Variants in ARHGEF3 observed in about 807,000 individuals in gnomAD.
The protein encoded by ARHGEF3 is 59.8 kDA protein.
A neutral mutation model predicts 63.2 loss-of-function variants in ARHGEF3; 28 were observed. That is an observed-to-expected ratio of 0.44 (90% CI 0.33 to 0.61). The LOEUF is 0.61. Ranked by LOEUF, ARHGEF3 falls within the 20% of genes least tolerant of loss-of-function variation. ARHGEF3 has a pLI of 0.03. For synonymous variants in ARHGEF3, 266 were observed against 254.2 expected (o/e 1.05, Z -0.44); for missense variants, 533 against 659.3 (o/e 0.81, Z 2.10).
intron 4 of ARHGEF3, among the ~76,000 whole-genome samples, chr3:56,810,523 T>G (rs2038026371): frequency 6.6e-6 from 1 of 151,630 alleles, no homozygotes; most frequent in South Asian, 2.1e-4. Flanking sequence ...AGAGACTGAG[T>G]CTCAAAAACA....
intron 2 of ARHGEF3, among the ~76,000 whole-genome samples, chr3:56,969,963 C>G (rs977580758): frequency 3.3e-5 from 5 of 151,996 alleles, no homozygotes. Context: ...TTATATGATT[C>G]CATTTATGTG....
chr3:57,021,524 G>A (rs1344730890), intron 2 of ARHGEF3, among the ~76,000 whole-genome samples: 5 of 152,086 alleles, frequency 3.3e-5, no homozygotes, highest in Admixed American at 6.6e-5. Context: ...TTGGGAGGCC[G>A]AGGCAGGCAG....
chr3:56,813,286 G>C (rs556195405), intron 4 of ARHGEF3, among the ~76,000 whole-genome samples: 43 of 152,290 alleles, frequency 2.8e-4, no homozygotes, highest in Admixed American at 1.1e-3. Flanking sequence ...GGAAGGCTGG[G>C]TTTTTATGAT....
intron 1 of ARHGEF3, among the ~76,000 whole-genome samples, chr3:57,055,802 T>C (rs1485366465): frequency 1.3e-5 from 2 of 152,198 alleles, no homozygotes; most frequent in Non-Finnish European, 2.9e-5. Flanking sequence ...AGAATTCCAA[T>C]GCACATCCCT....
chr3:56,816,946 G>A (rs2038295686), intron 4 of ARHGEF3, among the ~76,000 whole-genome samples: 1 of 152,190 alleles, frequency 6.6e-6, no homozygotes, highest in South Asian at 2.1e-4. Context: ...GCTGACTTGG[G>A]TCCAGTCCTG....
chr3:56,826,954 T>C (rs952388278), intron 4 of ARHGEF3, among the ~76,000 whole-genome samples: 1 of 152,166 alleles, frequency 6.6e-6, no homozygotes, highest in African/African-American at 2.4e-5. Flanking sequence ...TTTTTCACAT[T>C]GTATACCAGG....
In ARHGEF3 at chr3:56,942,985, T is replaced by C. The variant is rs59701469; in HGVS notation, c.129+15838A>G. On this transcript the variant is annotated intron_variant, in intron 3 of 12. Coordinates refer to the ARHGEF3 transcript ENST00000338458. ...TTGAAGCTAACAGAGGTTGGTTAGT[T>C]CATGAGGTTTAAGGAAAGAAGCTGT... Among the ~76,000 whole-genome samples, 866 of 152,286 alleles carry C rather than the reference T, an allele frequency of 5.7e-3. 8 individuals carry two copies. Among genetic ancestry groups the C allele is most frequent in the African/African-American group, 0.02 (812 of 41,548 alleles).
intron 2 of ARHGEF3, among the ~76,000 whole-genome samples, chr3:56,987,309 G>A (rs1298534847): frequency 6.6e-6 from 1 of 152,220 alleles, no homozygotes; most frequent in African/African-American, 2.4e-5. Context: ...TGCAGATGAG[G>A]AATCTGGGGC....
At position 56,822,849 on chromosome 3, in the gene ARHGEF3, GAA is replaced by G. The variant is rs35895519; in HGVS notation, c.193-49035_193-49034del. On this transcript the variant is annotated intron_variant, in intron 4 of 12. Coordinates refer to the ARHGEF3 transcript ENST00000338458. ...AGCCAGGGTGACAGAGTAAGACTCT[GAA>G]AAAAAAAAAAAAAAATCACGGTGTA... 4.9e-3 allele frequency among the ~76,000 whole-genome samples: 649 copies of G among 131,976 alleles called. 7 individuals carry two copies. The highest frequency in any genetic ancestry group is 0.017 in the African/African-American group (602 of 34,464). 86.6% of individuals were successfully genotyped at this position (131,976 alleles called of 152,430 possible). A position where few individuals can be genotyped will look rare whatever the true frequency, so the allele number is the denominator to read the frequency against.
rs748328015 is a variant in ARHGEF3, at chr3:56,745,409, T to C, written c.666A>G (p.Lys222=). Residue 222 remains lysine (K), a synonymous_variant, in exon 7 of 10, where the codon AAA becomes AAG. Coordinates refer to ENST00000296315, the MANE Select transcript of ARHGEF3 (RefSeq NM_019555.3). Reference sequence around the variant, plus strand: ...CTTGCTTTTTGTGGTCCAGCAGAGCTTTGGCGGCTACTTGATTGCTGCAGT... The same window carrying C: ...CTTGCTTTTTGTGGTCCAGCAGAGCCTTGGCGGCTACTTGATTGCTGCAGT... ...DSYCSNQVAA[K]ALLDHKKQDH... is the part of the protein sequence containing the mutation. 2 of 1,613,890 alleles carry C rather than the reference T, an allele frequency of 1.2e-6. No homozygotes were observed. The highest frequency in any genetic ancestry group is 3.3e-5 in the Admixed American group (2 of 59,980).
chr3:56,751,265 A>G (rs1256120806), intron 5 of ARHGEF3, 35 bp downstream of exon 5: 13 of 1,578,890 alleles, frequency 8.2e-6, no homozygotes, highest in Non-Finnish European at 1.0e-5. Context: ...AGTTAAGGCT[A>G]CAAGTCACGA....
intron 2 of ARHGEF3, among the ~76,000 whole-genome samples, chr3:56,999,977 A>G (rs1172366654): frequency 6.6e-6 from 1 of 152,094 alleles, no homozygotes; most frequent in East Asian, 1.9e-4. Flanking sequence ...CCCTGACTCT[A>G]TCATATACTA....
intron 2 of ARHGEF3, among the ~76,000 whole-genome samples, chr3:56,762,750 G>A (rs982805261): frequency 2.0e-5 from 3 of 152,150 alleles, no homozygotes; most frequent in African/African-American, 7.2e-5. Flanking sequence ...TGGAGGTTGG[G>A]GTGGGACTGT....
chr3:56,827,057 TA>T (rs1476605894), intron 4 of ARHGEF3, among the ~76,000 whole-genome samples: 9 of 152,314 alleles, frequency 5.9e-5, no homozygotes, highest in African/African-American at 1.9e-4. Context: ...AAGACCTTGC[TA>T]ACTATGACTC....
chr3:56,788,989 C>G (rs2036951237), intron 1 of ARHGEF3, among the ~76,000 whole-genome samples: 2 of 151,908 alleles, frequency 1.3e-5, no homozygotes, highest in Admixed American at 6.6e-5. Context: ...CCACCTATAG[C>G]TTCTACTCAA....
At chr3:56,973,262 G>A (rs1026759578) in intron 2 of ARHGEF3, among the ~76,000 whole-genome samples, 8 of 151,968 alleles carry the variant, frequency 5.3e-5, no homozygotes, top group South Asian at 4.1e-4. Flanking sequence ...CGTGATCCGC[G>A]CGCCTCGGCC....
chr3:56,921,815 G>C (rs746817143), intron 3 of ARHGEF3, among the ~76,000 whole-genome samples: 2 of 152,208 alleles, frequency 1.3e-5, no homozygotes, highest in South Asian at 2.1e-4. Context: ...AGACCTGGCT[G>C]CTCAAGGTCA....
chr3:56,924,081 C>T (rs762587479), intron 3 of ARHGEF3, among the ~76,000 whole-genome samples: 2 of 152,158 alleles, frequency 1.3e-5, no homozygotes, highest in Non-Finnish European at 2.9e-5. Flanking sequence ...GGACAATAAG[C>T]CCCACGTGGC....
At chr3:56,995,538 T>A (rs1225165389) in intron 2 of ARHGEF3, among the ~76,000 whole-genome samples, 1 of 151,454 alleles carries the variant, frequency 6.6e-6, no homozygotes, top group Non-Finnish European at 1.5e-5. Flanking sequence ...CAATCATCAT[T>A]TTTTCAATCA....
Sources: allele counts gnomAD v4.1 joint callset (sites outside exome capture counted in the v4.1 genomes callset), GRCh38; gene constraint gnomAD v4.1.1; transcripts MANE v1.5; gene names NCBI Gene and HGNC (gene_info 2026-07-23, HGNC 2026-07-21).